The following ABLIM1 variants were observed in gnomAD, a reference collection of about 807,000 sequenced individuals.
The protein encoded by ABLIM1 is actin-binding LIM protein 1.
A neutral mutation model predicts 107.0 loss-of-function variants in ABLIM1; 40 were observed. The ratio of observed to expected loss-of-function variants is 0.37; its 90% CI spans 0.29 to 0.49. The LOEUF (loss-of-function observed/expected upper bound fraction) is 0.49. Among genes scored for constraint, ABLIM1 ranks in the 20% least tolerant of loss-of-function variants. The pLI is 0.97. For missense variants in ABLIM1, 857 were observed against 1,008.5 expected (o/e 0.85, Z 2.04); for synonymous variants, 357 against 357.3 (o/e 1.00, Z 0.01).
At chr10:114,509,477 G>A (rs1273056698) in intron 6 of ABLIM1, among the ~76,000 whole-genome samples, 2 of 151,994 alleles carry the variant, frequency 1.3e-5, no homozygotes, top group East Asian at 1.9e-4. Context: ...CCTCTGCCTC[G>A]GGGCCTCACT....
the ABLIM1 span, among the ~76,000 whole-genome samples, chr10:114,791,922 T>A: frequency 6.6e-6 from 1 of 152,232 alleles, no homozygotes; most frequent in African/African-American, 2.4e-5. Context: ...ACTTACCATG[T>A]GCCTGGCACT....
the ABLIM1 span, among the ~76,000 whole-genome samples, chr10:114,791,413 C>T: frequency 1.2e-3 from 179 of 152,122 alleles, no homozygotes; most frequent in African/African-American, 3.9e-3. Context: ...CCAAAGCCGG[C>T]GGATCACGAG....
intron 6 of ABLIM1, among the ~76,000 whole-genome samples, chr10:114,541,949 C>G (rs2066716484): frequency 6.6e-6 from 1 of 152,186 alleles, no homozygotes; most frequent in African/African-American, 2.4e-5. Flanking sequence ...CACACACACA[C>G]AGAGCCCTTT....
At chr10:114,632,735 C>G in intron 1 of ABLIM1, 1 of 985,348 alleles carries the variant, frequency 1.0e-6, no homozygotes, top group South Asian at 4.7e-5. Context: ...ATTTTGACTT[C>G]CCCCTTCTCC....
At chr10:114,652,934 T>G (rs2079320532) in intron 1 of ABLIM1, among the ~76,000 whole-genome samples, 1 of 152,170 alleles carries the variant, frequency 6.6e-6, no homozygotes, top group Non-Finnish European at 1.5e-5. Flanking sequence ...AGCAATATAC[T>G]TTATGGGAGT....
chr10:114,600,217 C>A (rs1459057579), intron 2 of ABLIM1, among the ~76,000 whole-genome samples: 1 of 152,128 alleles, frequency 6.6e-6, no homozygotes, highest in African/African-American at 2.4e-5. Context: ...CAGCCCAGCA[C>A]CCTGGGTGTG....
chr10:114,511,993 G>A (rs1324632352), intron 6 of ABLIM1, among the ~76,000 whole-genome samples: 1 of 152,164 alleles, frequency 6.6e-6, no homozygotes, highest in Non-Finnish European at 1.5e-5. Context: ...TCTTCCTGGA[G>A]CAGAAAGACC....
At chr10:114,458,925 T>C (rs192965278) in intron 12 of ABLIM1, among the ~76,000 whole-genome samples, 63 of 152,310 alleles carry the variant, frequency 4.1e-4, no homozygotes, top group African/African-American at 1.5e-3. Context: ...TATACTAAGA[T>C]AGAATGAGGC....
Position 114,485,354 on chromosome 10 carries a change from G to A in ABLIM1, c.1041+2604C>T, listed in dbSNP as rs373185017. 4.8e-5 allele frequency: 78 copies of A among 1,612,830 alleles called. No individual in the cohort carries two copies. The Middle Eastern group carries it at 4.9e-4, about 10-fold the overall frequency. On this transcript the variant is annotated intron_variant, in intron 8 of 22. Transcript: ENST00000533213. ...TCAGACTTTTGGAATAAAAGAAATC[G>A]GATGAAGAACGCCGAATGTTTGGCA...
At chr10:114,463,858 C>T (rs1435592315) in intron 12 of ABLIM1, among the ~76,000 whole-genome samples, 1 of 152,182 alleles carries the variant, frequency 6.6e-6, no homozygotes, top group Non-Finnish European at 1.5e-5. Context: ...AGAATCCCTC[C>T]AGCTTCACTT....
intron 1 of ABLIM1, among the ~76,000 whole-genome samples, chr10:114,748,479 G>A (rs1566300025): frequency 1.3e-5 from 2 of 151,636 alleles, no homozygotes; most frequent in Non-Finnish European, 2.9e-5. Flanking sequence ...ATAGCCCTGA[G>A]TCTTCAGAAG....
chr10:114,701,412 G>A (rs1053616666), intron 1 of ABLIM1, among the ~76,000 whole-genome samples: 2 of 152,130 alleles, frequency 1.3e-5, no homozygotes, highest in Admixed American at 6.5e-5. Flanking sequence ...TCCACATCTA[G>A]ATCTTTTACC....
the ABLIM1 span, chr10:114,779,707 T>C: frequency 1.3e-5 from 2 of 152,230 alleles, no homozygotes; most frequent in Admixed American, 1.3e-4. Context: ...CTTTGAATGT[T>C]GCATAGTATG....
At chr10:114,658,511 G>T (rs1348235416), upstream of ABLIM1, among the ~76,000 whole-genome samples, 2 of 152,146 alleles carry the variant, frequency 1.3e-5, no homozygotes, top group Non-Finnish European at 2.9e-5. Context: ...ATATCTAAAA[G>T]AATTCTCCTG....
chr10:114,714,733 A>C (rs1228717839), intron 1 of ABLIM1, among the ~76,000 whole-genome samples: 1 of 152,260 alleles, frequency 6.6e-6, no homozygotes, highest in African/African-American at 2.4e-5. Context: ...TCAATAGCAG[A>C]TTATGGTATA....
chr10:114,444,780 C>T (rs2060768493), intron 16 of ABLIM1, among the ~76,000 whole-genome samples: 1 of 152,002 alleles, frequency 6.6e-6, no homozygotes, highest in Non-Finnish European at 1.5e-5. Context: ...ACAGACTGTC[C>T]TTCTGGGCTG....
At position 114,571,320 on chromosome 10, in the gene ABLIM1, G is replaced by A. The variant is rs142175534; in HGVS notation, c.650C>T (p.Pro217Leu). ...ACTGCTGGAGAAGGTGGTTTCTTTC[G>A]GACTGGACGACATCGGCTGTGCACA... The part of the protein sequence containing the change: ...QLCAQPMSSS[P>L]KETTFSSNCA... The change falls in exon 4 of 23, where the codon CCG becomes CTG. Residue 217 changes from proline to leucine, a missense_variant. Around this residue, in one of 5 missense-constraint regions of ABLIM1, gnomAD observed 381 missense variants for 506.9 expected, o/e 0.75. Coordinates refer to ENST00000533213, the MANE Select transcript of ABLIM1 (RefSeq NM_002313.7). 4.2e-4 allele frequency: 674 copies of A among 1,614,166 alleles called. 4 individuals are homozygous for A. In the African/African-American group the frequency reaches 7.2e-3, roughly 17 times the overall value.
At chr10:114,728,560 C>A (rs1390088192) in intron 1 of ABLIM1, among the ~76,000 whole-genome samples, 12 of 102,820 alleles carry the variant, frequency 1.2e-4, no homozygotes, top group Non-Finnish European at 2.0e-4. Flanking sequence ...CATGTACCAA[C>A]ATGAATTAAT....
At position 114,612,835 on chromosome 10, in the gene ABLIM1, G is replaced by T. The variant is rs78805124; in HGVS notation, c.245-10874C>A. On this transcript the variant is annotated intron_variant, in intron 1 of 22. Coordinates refer to ENST00000533213, the MANE Select transcript of ABLIM1 (RefSeq NM_002313.7). ...ACAGAAATACAAGTTAAGAGAGAGG[G>T]TCAGAGTCTATTGTCACATGGCCTA... 2.9e-3 allele frequency among the ~76,000 whole-genome samples: 447 copies of T among 152,270 alleles called. 11 individuals carry two copies. The East Asian group carries it at 0.072, about 24-fold the overall frequency.
Sources: allele counts gnomAD v4.1 joint callset (sites outside exome capture counted in the v4.1 genomes callset), GRCh38; gene constraint gnomAD v4.1.1; regional missense constraint gnomAD v4.1.1; transcripts MANE v1.5; gene names NCBI Gene and HGNC (gene_info 2026-07-23, HGNC 2026-07-21).